Variants in PPAN observed in about 807,000 individuals in gnomAD.
PPAN encodes suppressor of SWI4 1 homolog.
PPAN carries 39 observed loss-of-function variants against 48.5 expected under a neutral mutation model. The observed-to-expected ratio is 0.80, with a 90% CI of 0.62 to 1.05. The LOEUF (loss-of-function observed/expected upper bound fraction) is 1.05, where lower values mean the gene tolerates loss of function less well. Among genes scored for constraint, PPAN ranks in the 50% least tolerant of loss-of-function variants. PPAN has a pLI of 0.00. For synonymous variants in PPAN, 315 were observed against 268.6 expected, an observed-to-expected ratio of 1.17 and a Z score of -1.69; for missense variants, 736 against 661.7, an observed-to-expected ratio of 1.11 and a Z score of -1.23.
At chr19:10,106,303 G>A, upstream of PPAN, 4 of 1,538,784 alleles carry the variant, frequency 2.6e-6, no homozygotes, top group Admixed American at 2.0e-5. Flanking sequence ...GCCTGATGTC[G>A]TCCCACGCCG....
rs544356659 is a variant in PPAN at position 10,110,129 on chromosome 19, G to A, written c.705G>A (p.Ala235=). 17 of 1,610,682 alleles carry A rather than the reference G, an allele frequency of 1.1e-5. No individual in the cohort carries two copies. The highest frequency in any genetic ancestry group is 3.3e-5 in the Admixed American group (2 of 60,014). ...QDISELLATG[A]GLSESEAEPD... is the part of the protein sequence containing the mutation. Reference sequence around the variant, plus strand: ...TGTTATGTCCTACACACAGGGGCGCGGGGCTGTCGGAGAGCGAGGCAGAGC... The same window carrying A: ...TGTTATGTCCTACACACAGGGGCGCAGGGCTGTCGGAGAGCGAGGCAGAGC... The change falls in exon 8 of 12, where the codon GCG becomes GCA. Residue 235 remains alanine (A), a synonymous_variant. Coordinates refer to ENST00000253107, the MANE Select transcript of PPAN (RefSeq NM_020230.7). This position sits in a 1 kb window ranked among gnomAD's most constrained non-coding sequence, Gnocchi z 5.9.
intron 2 of PPAN, 184 bp downstream of exon 2, chr19:10,106,855 C>G: frequency 1.0e-6 from 1 of 990,744 alleles, no homozygotes; most frequent in Non-Finnish European, 1.4e-6. Flanking sequence ...GGGCGCGCAG[C>G]TTGGGAGATA....
chr19:10,111,264 C>T lies in PPAN; in HGVS notation c.*99C>T. On this transcript the variant is annotated 3_prime_UTR_variant, in exon 12 of 12. Coordinates refer to ENST00000253107, the MANE Select transcript of PPAN (RefSeq NM_020230.7). ...TTTCATAAAGGAGTTGTGTCCCCAGCCCTTCCACTCCAGTAAAGAACTGAA... is the reference window on the plus strand; with the variant it reads ...TTTCATAAAGGAGTTGTGTCCCCAGTCCTTCCACTCCAGTAAAGAACTGAA... 3.1e-6 allele frequency: 4 copies of T among 1,294,380 alleles called. No individual in the cohort carries two copies. In the South Asian group the frequency reaches 6.1e-5, roughly 20 times the overall value. 80.2% of individuals were successfully genotyped at this position (1,294,380 alleles called of 1,614,324 possible).
intron 2 of PPAN, chr19:10,107,146 C>T: frequency 2.5e-6 from 1 of 395,750 alleles, no homozygotes; most frequent in South Asian, 2.2e-5. Context: ...GGGATCGTGC[C>T]ACTTCACTCC....
rs1272338860 is a variant in PPAN, at chr19:10,106,582, T to G, written c.100T>G (p.Phe34Val). 1 of 1,552,766 alleles carries G rather than the reference T, an allele frequency of 6.4e-7. No individual in the cohort carries two copies. The highest frequency in any genetic ancestry group is 1.9e-5 in the Admixed American group (1 of 51,504). ...TGCCGCGAACCCGCACTCGTTCGTG[T>G]TCACGCGAGGCTGCACGGGTCGCAA... The part of the protein sequence containing the change: ...AYAANPHSFV[F>V]TRGCTGRNIR... Residue 34 changes from phenylalanine to valine, a missense_variant, in exon 2 of 12, where the codon TTC becomes GTC. Coordinates refer to ENST00000253107, the MANE Select transcript of PPAN (RefSeq NM_020230.7).
chr19:10,111,881 G>C lies in PPAN; in HGVS notation c.*716G>C. ...AATCCCAGCACTTTGGGAGGTCGAGGGGGGTGGAACACGAGGTCAGGGGTT... is the reference window on the plus strand; with the variant it reads ...AATCCCAGCACTTTGGGAGGTCGAGCGGGGTGGAACACGAGGTCAGGGGTT... On this transcript the variant is annotated 3_prime_UTR_variant, in exon 12 of 12. Transcript: ENST00000253107. 1.0e-6 allele frequency: 1 copy of C among 956,698 alleles called. No homozygotes were observed. Among genetic ancestry groups the C allele is most frequent in the Non-Finnish European group, 1.6e-6 (1 of 622,654 alleles). 59.3% of individuals were successfully genotyped at this position (956,698 alleles called of 1,614,324 possible).
In PPAN at chr19:10,110,495, G is replaced by A. The variant is rs371789394; in HGVS notation, c.912G>A (p.Thr304=). 1.6e-5 allele frequency: 26 copies of A among 1,612,272 alleles called. No homozygotes were observed. Among genetic ancestry groups the A allele is most frequent in the Non-Finnish European group, 1.7e-5 (20 of 1,179,666 alleles). Residue 304 remains threonine (T), a synonymous_variant, in exon 10 of 12, where the codon ACG becomes ACA. Coordinates refer to ENST00000253107, the MANE Select transcript of PPAN (RefSeq NM_020230.7). This position sits in a 1 kb window ranked among gnomAD's most constrained non-coding sequence, Gnocchi z 5.9. The part of the protein sequence containing the change: ...KVMFHSFVSK[T]EEELQAILEA... ...CGTCTCTTGGCTCAGTGAGCAAGACGGAGGAGGAGCTGCAGGCCATCCTGG... is the reference window on the plus strand; with the variant it reads ...CGTCTCTTGGCTCAGTGAGCAAGACAGAGGAGGAGCTGCAGGCCATCCTGG...
Position 10,110,793 on chromosome 19 carries a change from T to C in PPAN, c.1128T>C (p.Gly376=). 1.2e-6 allele frequency: 2 copies of C among 1,613,480 alleles called. No homozygotes were observed. The highest frequency in any genetic ancestry group is 8.5e-7 in the Non-Finnish European group (1 of 1,179,854). The change falls in exon 11 of 12, where the codon GGT becomes GGC. Residue 376 remains glycine, a synonymous_variant. Coordinates refer to ENST00000253107, the MANE Select transcript of PPAN (RefSeq NM_020230.7). The surrounding 1 kb of genome is among the most constrained non-coding windows in gnomAD (Gnocchi z 5.9). ...CAAGGACGGCGAGCCTGGAGTTGGGTGAGGACGATGATGAACAGGAAGATG... is the reference window on the plus strand; with the variant it reads ...CAAGGACGGCGAGCCTGGAGTTGGGCGAGGACGATGATGAACAGGAAGATG... The part of the protein sequence containing the change: ...IPSRTASLEL[G]EDDDEQEDDD...
Position 10,110,665 on chromosome 19 carries a change from G to A in PPAN, c.1032-32G>A, listed in dbSNP as rs2089021540. On this transcript the variant is annotated intron_variant, in intron 10 of 11. Transcript: ENST00000253107. This position sits in a 1 kb window ranked among gnomAD's most constrained non-coding sequence, Gnocchi z 5.9. ...GGCCAAGGGGGGGTCCCTGGGATGG[G>A]CGGCTATGTTGACCCCCACGCCCTC... 1.2e-6 allele frequency: 2 copies of A among 1,612,148 alleles called. No individual in the cohort carries two copies. The highest frequency in any genetic ancestry group is 1.7e-6 in the Non-Finnish European group (2 of 1,179,078).
In PPAN at chr19:10,106,405, C is replaced by T. The variant is rs373033480; in HGVS notation, c.11C>T (p.Ser4Leu). 6.5e-7 allele frequency: 1 copy of T among 1,549,386 alleles called. No homozygotes were observed. The highest frequency in any genetic ancestry group is 1.4e-5 in the African/African-American group (1 of 73,114). Residue 4 changes from serine (S) to leucine (L), a missense_variant, in exon 1 of 12, where the codon TCA becomes TTA. By Grantham distance (145) the Ser-to-Leu change is moderately radical. Transcript: ENST00000253107. ...GGAGGACACAGCAGCATGGGACAGT[C>T]AGGGAGGGTAAGGCCCGGCAGCTTG... The part of the protein sequence containing the change: MGQ[S>L]GRSRHQKRAR...
At position 10,108,095 on chromosome 19, in the gene PPAN, C is replaced by T. The variant is rs1358010342; in HGVS notation, c.474C>T (p.Thr158=). The T allele has an allele frequency of 6.2e-7, 1 of 1,613,642 alleles. No individual in the cohort carries two copies. The highest frequency in any genetic ancestry group is 1.1e-5 in the South Asian group (1 of 91,010). ...PHGMHVKLMA[T]MFQNLFPSIN... ...GTATGCATGTGAAGCTCATGGCCAC[C>T]ATGTTCCAGAACCTGTTCCCCTCCA... is the stretch of plus-strand genomic sequence containing the variant. The change falls in exon 5 of 12, where the codon ACC becomes ACT. Residue 158 remains threonine, a synonymous_variant. Transcript: ENST00000253107.
In PPAN at chr19:10,110,895, C is replaced by T. The variant is rs773197595; in HGVS notation, c.1201+29C>T. 1.2e-5 allele frequency: 19 copies of T among 1,613,158 alleles called. No homozygotes were observed. The Admixed American group carries it at 2.8e-4, about 24-fold the overall frequency. On this transcript the variant is annotated intron_variant, in intron 11 of 11. Coordinates refer to ENST00000253107, the MANE Select transcript of PPAN (RefSeq NM_020230.7). The surrounding 1 kb of genome is among the most constrained non-coding windows in gnomAD (Gnocchi z 5.9). ...TGGAGTGGGGTCTGCAGCAGGGCACCCAGAGCCTGTCCTTGTCTCTGGGGG... is the reference window on the plus strand; with the variant it reads ...TGGAGTGGGGTCTGCAGCAGGGCACTCAGAGCCTGTCCTTGTCTCTGGGGG...
rs1165344105 is a variant in PPAN at position 10,109,722 on chromosome 19, A to G, written c.590+15A>G. 3 of 1,611,978 alleles carry G rather than the reference A, an allele frequency of 1.9e-6. No individual in the cohort carries two copies. The highest frequency in any genetic ancestry group is 2.5e-6 in the Non-Finnish European group (3 of 1,178,822). On this transcript the variant is annotated intron_variant, in intron 6 of 11. Coordinates refer to ENST00000253107, the MANE Select transcript of PPAN (RefSeq NM_020230.7). ...TTCCGCCACTAGTGAGTGTCCCAGC[A>G]GGATGGGAGACGAGGGGGTGCCGGG...
chr19:10,109,199 G>T (rs1568484033), intron 5 of PPAN, among the ~76,000 whole-genome samples: 2 of 151,892 alleles, frequency 1.3e-5, no homozygotes, highest in South Asian at 4.1e-4. Flanking sequence ...GACCTCGTGA[G>T]CTGCCCGCCT....
rs1196887898 is a variant in PPAN, at chr19:10,107,981, T to C, written c.360T>C (p.Asp120=). 4 of 1,608,844 alleles carry C rather than the reference T, an allele frequency of 2.5e-6. No homozygotes were observed. The highest frequency in any genetic ancestry group is 2.2e-5 in the South Asian group (2 of 90,346). The change falls in exon 5 of 12, where the codon GAT becomes GAC. Residue 120 remains aspartate (D), a synonymous_variant. Coordinates refer to ENST00000253107, the MANE Select transcript of PPAN (RefSeq NM_020230.7). ...TCCTACAGTACTCGCTGGTGCGTGA[T>C]GTGGTCTCCTCACTGCGCCGGCACC... ...FQVKKYSLVR[D]VVSSLRRHRM...
At position 10,111,274 on chromosome 19, in the gene PPAN, C is replaced by G. The variant is rs906270230; in HGVS notation, c.*109C>G. On this transcript the variant is annotated 3_prime_UTR_variant, in exon 12 of 12. Coordinates refer to ENST00000253107, the MANE Select transcript of PPAN (RefSeq NM_020230.7). ...GAGTTGTGTCCCCAGCCCTTCCACTCCAGTAAAGAACTGAATTGGCCAGGG... is the reference window on the plus strand; with the variant it reads ...GAGTTGTGTCCCCAGCCCTTCCACTGCAGTAAAGAACTGAATTGGCCAGGG... 4.0e-6 allele frequency: 5 copies of G among 1,264,792 alleles called. No individual in the cohort carries two copies. The highest frequency in any genetic ancestry group is 2.9e-5 in the Admixed American group (1 of 34,998). 78.3% of individuals were successfully genotyped at this position (1,264,792 alleles called of 1,614,324 possible). A position where few individuals can be genotyped will look rare whatever the true frequency, so the allele number is the denominator to read the frequency against.
At position 10,110,143 on chromosome 19, in the gene PPAN, G is replaced by T. The variant is rs563237144; in HGVS notation, c.719G>T (p.Ser240Ile). The change falls in exon 8 of 12, where the codon AGC becomes ATC. Residue 240 changes from serine to isoleucine, a missense_variant. Physicochemically the swap from Ser to Ile is moderately radical, Grantham distance 142. Transcript: ENST00000253107. The surrounding 1 kb of genome is among the most constrained non-coding windows in gnomAD (Gnocchi z 5.9). ...LLATGAGLSESEAEPDGDHNI... is the reference protein window; with the variant it reads ...LLATGAGLSEIEAEPDGDHNI... ...CACAGGGGCGCGGGGCTGTCGGAGA[G>T]CGAGGCAGAGCCTGACGGCGACCAC... is the stretch of plus-strand genomic sequence containing the variant. The T allele has an allele frequency of 6.2e-7, 1 of 1,610,418 alleles. No individual in the cohort carries two copies.
Position 10,111,545 on chromosome 19 carries a change from A to T in PPAN, c.*380A>T, listed in dbSNP as rs894594380. On this transcript the variant is annotated 3_prime_UTR_variant, in exon 12 of 12. Coordinates refer to ENST00000253107, the MANE Select transcript of PPAN (RefSeq NM_020230.7). ...CTTTCAGCAGATGAGCTTGAACCTC[A>T]GGAGGGTTGTGGCACAATGAGGAAG... 5.5e-6 allele frequency: 4 copies of T among 731,246 alleles called. No individual in the cohort carries two copies. The highest frequency in any genetic ancestry group is 4.5e-5 in the Admixed American group (2 of 44,572). The allele number at this position is 731,246 out of a possible 1,614,324, so 45.3% of individuals were successfully genotyped here. A position where few individuals can be genotyped will look rare whatever the true frequency, so the allele number is the denominator to read the frequency against.
Position 10,107,352 on chromosome 19 carries a change from G to T in PPAN, c.190-153G>T, listed in dbSNP as rs74479137. Among the ~76,000 whole-genome samples the T allele has an allele frequency of 2.9e-3, 448 of 152,312 alleles. 12 individuals carry two copies. In the South Asian group the frequency reaches 0.052, roughly 18 times the overall value. ...AGAGTTAGAACTCAAATCTGCGTCC[G>T]ACTGACTCTAAAGGCTAAGATCCTT... On this transcript the variant is annotated intron_variant, in intron 2 of 11. Coordinates refer to ENST00000253107, the MANE Select transcript of PPAN (RefSeq NM_020230.7).
Sources: allele counts gnomAD v4.1 joint callset (sites outside exome capture counted in the v4.1 genomes callset), GRCh38; gene constraint gnomAD v4.1.1; non-coding constraint Gnocchi (gnomAD v3.1); transcripts MANE v1.5; gene names NCBI Gene and HGNC (gene_info 2026-07-23, HGNC 2026-07-21).